The following DAB1 variants were observed in gnomAD, a reference collection of about 807,000 sequenced individuals.
DAB1 encodes disabled homolog 1.
A neutral mutation model predicts 64.6 loss-of-function variants in DAB1; 15 were observed. That is an observed-to-expected ratio of 0.23 (90% CI 0.16 to 0.36). The LOEUF is 0.36. Ranked by LOEUF, DAB1 falls within the 10% of genes least tolerant of loss-of-function variation. The pLI, the probability that DAB1 is intolerant of heterozygous loss-of-function variation, is 1.00. For missense variants in DAB1, 596 were observed against 706.7 expected, an observed-to-expected ratio of 0.84 and a Z score of 1.78; for synonymous variants, 235 against 251.9, an observed-to-expected ratio of 0.93 and a Z score of 0.64.
chr1:58,104,296 C>A (rs1272672969), intron 5 of DAB1, among the ~76,000 whole-genome samples: 2 of 152,150 alleles, frequency 1.3e-5, no homozygotes, highest in East Asian at 1.9e-4. Context: ...GATTTTCAGA[C>A]TTTGGAGGAT....
intron 7 of DAB1, among the ~76,000 whole-genome samples, chr1:57,647,063 A>G (rs930107902): frequency 6.6e-6 from 1 of 152,052 alleles, no homozygotes; most frequent in African/African-American, 2.4e-5. Context: ...ATTTACATTA[A>G]TGACAGTACA....
At chr1:57,100,675 G>A (rs1160590327) in intron 4 of DAB1, among the ~76,000 whole-genome samples, 1 of 151,802 alleles carries the variant, frequency 6.6e-6, no homozygotes, top group Non-Finnish European at 1.5e-5. Context: ...ATTCCGCCTA[G>A]TGGCAGAGGC....
chr1:58,293,269 G>A (rs1394890127), intron 4 of DAB1, among the ~76,000 whole-genome samples: 6 of 152,176 alleles, frequency 3.9e-5, no homozygotes, highest in African/African-American at 1.4e-4. Flanking sequence ...GAGTAGCCTA[G>A]AAGGCCTAAG....
Position 58,431,669 on chromosome 1 carries a change from T to A in DAB1, n.257+74391A>T, listed in dbSNP as rs538062182. The stretch of plus-strand genomic sequence containing the variant: ...AATATCTAGATTTACGAAGGTTTTT[T>A]AATATATCCTTTGCAAGTATTAAGT... On this transcript the variant is annotated intron_variant and non_coding_transcript_variant, in intron 3 of 20. Coordinates refer to the DAB1 transcript ENST00000485760. 1.7e-4 allele frequency among the ~76,000 whole-genome samples: 26 copies of A among 152,342 alleles called. 2 individuals carry two copies. In the South Asian group the frequency reaches 4.1e-3, roughly 24 times the overall value.
At chr1:57,364,420 C>A (rs1278488356) in intron 1 of DAB1, among the ~76,000 whole-genome samples, 6 of 152,088 alleles carry the variant, frequency 3.9e-5, no homozygotes, top group Admixed American at 3.3e-4. Context: ...GGGTTACTGG[C>A]CCCACATTAC....
At chr1:58,536,586 A>G (rs369685742) in intron 1 of DAB1, 7 of 872,842 alleles carry the variant, frequency 8.0e-6, no homozygotes, top group East Asian at 7.2e-5. Flanking sequence ...CCTTCCTGTG[A>G]TTGGACTTAC....
chr1:58,350,243 A>G (rs1341774732), intron 3 of DAB1, among the ~76,000 whole-genome samples: 1 of 152,174 alleles, frequency 6.6e-6, no homozygotes, highest in Non-Finnish European at 1.5e-5. Context: ...TGTTGGCTGC[A>G]TAAATGTCCT....
chr1:58,011,175 C>G (rs555756356), intron 5 of DAB1, among the ~76,000 whole-genome samples: 4 of 152,188 alleles, frequency 2.6e-5, no homozygotes, highest in Admixed American at 6.5e-5. Flanking sequence ...CCTAGCCCCT[C>G]AGGGGCTAGG....
intron 5 of DAB1, among the ~76,000 whole-genome samples, chr1:57,983,457 C>T (rs1346554155): frequency 6.6e-6 from 1 of 152,228 alleles, no homozygotes; most frequent in South Asian, 2.1e-4. Context: ...GCTCACTGGG[C>T]AGAGTAGAAG....
chr1:57,135,230 C>A (rs1008070235), intron 4 of DAB1, among the ~76,000 whole-genome samples: 1 of 152,168 alleles, frequency 6.6e-6, no homozygotes, highest in African/African-American at 2.4e-5. Context: ...CAAATTGAAA[C>A]CTCATGCCTA....
chr1:57,160,656 G>A (rs1439489411), intron 2 of DAB1, among the ~76,000 whole-genome samples: 1 of 152,204 alleles, frequency 6.6e-6, no homozygotes, highest in Non-Finnish European at 1.5e-5. Flanking sequence ...ACAGTCAAAG[G>A]TGAAGAGGAC....
chr1:57,317,090 C>A (rs2100751910), intron 1 of DAB1, among the ~76,000 whole-genome samples: 1 of 152,300 alleles, frequency 6.6e-6, no homozygotes, highest in Non-Finnish European at 1.5e-5. Flanking sequence ...TGGAAGCCAG[C>A]TGCCATATTT....
chr1:57,841,146 G>A (rs1653031773), intron 1 of DAB1, among the ~76,000 whole-genome samples: 1 of 152,180 alleles, frequency 6.6e-6, no homozygotes, highest in East Asian at 1.9e-4. Context: ...ACCCAACAGG[G>A]TAGTCATTAA....
intron 14 of DAB1, among the ~76,000 whole-genome samples, chr1:56,998,601 A>G (rs967120110): frequency 1.3e-5 from 2 of 152,246 alleles, no homozygotes; most frequent in African/African-American, 4.8e-5. Context: ...CATTTTTCCA[A>G]CACAGTTTCA....
chr1:57,038,438 C>T (rs1647294587), intron 9 of DAB1, among the ~76,000 whole-genome samples: 1 of 152,078 alleles, frequency 6.6e-6, no homozygotes, highest in African/African-American at 2.4e-5. Flanking sequence ...CCATTTAATG[C>T]CAAAATGTGC....
intron 2 of DAB1, among the ~76,000 whole-genome samples, chr1:58,521,329 A>G (rs953619194): frequency 1.9e-5 from 1 of 52,964 alleles, no homozygotes. Context: ...TATGTACTAG[A>G]AAAAAAAAAG....
At chr1:57,932,930 T>TA (rs1209389134) in intron 5 of DAB1, among the ~76,000 whole-genome samples, 1 of 152,254 alleles carries the variant, frequency 6.6e-6, no homozygotes, top group Non-Finnish European at 1.5e-5. Context: ...AACCCCATGT[T>TA]AGACTCTGGT....
At chr1:57,085,620 A>G (rs1557692606) in intron 4 of DAB1, among the ~76,000 whole-genome samples, 1 of 152,202 alleles carries the variant, frequency 6.6e-6, no homozygotes, top group African/African-American at 2.4e-5. Context: ...TTTCAAAGAA[A>G]CCATTCCTTT....
chr1:57,198,603 G>T (rs1348065427), intron 2 of DAB1, among the ~76,000 whole-genome samples: 1 of 141,844 alleles, frequency 7.1e-6, no homozygotes, highest in Non-Finnish European at 1.5e-5. Context: ...CCATATCCTG[G>T]CTTAACTCTC....
Sources: allele counts gnomAD v4.1 joint callset (sites outside exome capture counted in the v4.1 genomes callset), GRCh38; gene constraint gnomAD v4.1.1; transcripts MANE v1.5; gene names NCBI Gene and HGNC (gene_info 2026-07-23, HGNC 2026-07-21).